Variants in PFKFB3 observed in about 807,000 individuals in gnomAD.
The protein encoded by PFKFB3 is 6-phosphofructo-2-kinase/fructose-2,6-bisphosphatase 3.
A neutral mutation model predicts 68.0 loss-of-function variants in PFKFB3; 33 were observed. The ratio of observed to expected loss-of-function variants is 0.49; its 90% CI spans 0.37 to 0.65. The LOEUF (loss-of-function observed/expected upper bound fraction) is 0.65, where lower values mean the gene tolerates loss of function less well. Ranked by LOEUF, PFKFB3 falls within the 30% of genes least tolerant of loss-of-function variation. The pLI, the probability that PFKFB3 is intolerant of heterozygous loss-of-function variation, is 0.00. For synonymous variants in PFKFB3, 315 were observed against 288.2 expected (o/e 1.09, Z -0.94); for missense variants, 586 against 712.2 (o/e 0.82, Z 2.02).
chr10:6,149,854 G>T, intron 1 of PFKFB3: 1 of 152,598 alleles, frequency 6.6e-6, no homozygotes. Flanking sequence ...CTCCAAACAA[G>T]CTCTCAAAAT....
At chr10:6,280,486 C>T in the PFKFB3 span, among the ~76,000 whole-genome samples, 3 of 152,194 alleles carry the variant, frequency 2.0e-5, no homozygotes, top group African/African-American at 7.2e-5. Context: ...ATCCTGTGTT[C>T]CTCATCCTTC....
chr10:6,220,870 G>C lies in PFKFB3; in HGVS notation c.831+5G>C, dbSNP rs370323656. ...CTGTCCAGCCGGGGCAAGAAGGTGC[G>C]GGGTGTGCTGCCGCATGGGCCGTTC... On this transcript the variant is annotated splice_donor_5th_base_variant and intron_variant, in intron 8 of 14. Transcript: ENST00000379775. The surrounding 1 kb of genome is among the most constrained non-coding windows in gnomAD (Gnocchi z 4.1). The C allele has an allele frequency of 3.1e-6, 5 of 1,609,370 alleles. No homozygotes were observed. The South Asian group carries it at 5.5e-5, about 18-fold the overall frequency.
downstream of PFKFB3, among the ~76,000 whole-genome samples, chr10:6,237,289 C>T (rs1846036287): frequency 6.6e-6 from 1 of 152,262 alleles, no homozygotes; most frequent in Non-Finnish European, 1.5e-5. Flanking sequence ...AGCAGGGCAG[C>T]TCCCTGTGCC....
the PFKFB3 span, among the ~76,000 whole-genome samples, chr10:6,276,967 T>C: frequency 6.6e-6 from 1 of 152,102 alleles, no homozygotes; most frequent in Non-Finnish European, 1.5e-5. Context: ...TCCCTCATGC[T>C]ACCCCTCTAG....
chr10:6,241,145 T>C (rs1157973367), intron 14 of PFKFB3, among the ~76,000 whole-genome samples: 1 of 152,098 alleles, frequency 6.6e-6, no homozygotes, highest in Non-Finnish European at 1.5e-5. Context: ...GACCTCGTGA[T>C]CCACCCACCT....
chr10:6,175,452 T>A (rs376178650), intron 1 of PFKFB3, among the ~76,000 whole-genome samples: 14 of 152,216 alleles, frequency 9.2e-5, no homozygotes, highest in African/African-American at 3.4e-4. Flanking sequence ...ACCACAGTGC[T>A]GTTGTCATCC....
At position 6,228,380 on chromosome 10, in the gene PFKFB3, C is replaced by G; in HGVS notation, c.1515+2015C>G. ...GGCGTAGGAGTAGGGAGGAGAGATT[C>G]CTGAATGTTTTTGGAAAAGCGTGCA... is the stretch of plus-strand genomic sequence containing the variant. On this transcript the variant is annotated intron_variant, in intron 14 of 14. Transcript: ENST00000379775. The surrounding 1 kb of genome is among the most constrained non-coding windows in gnomAD (Gnocchi z 4.5). The G allele has an allele frequency of 1.3e-6, 1 of 779,312 alleles. No individual in the cohort carries two copies. The highest frequency in any genetic ancestry group is 2.2e-6 in the Non-Finnish European group (1 of 456,100). 48.3% of individuals were successfully genotyped at this position (779,312 alleles called of 1,614,324 possible).
intron 1 of PFKFB3, among the ~76,000 whole-genome samples, chr10:6,151,441 A>C (rs1316701909): frequency 1.3e-5 from 2 of 152,228 alleles, no homozygotes; most frequent in African/African-American, 4.8e-5. Context: ...GTCCTCGGCC[A>C]GAGAAGCAAG....
chr10:6,228,844 C>T lies in PFKFB3; in HGVS notation c.1515+2479C>T, dbSNP rs1845538946. Among the ~76,000 whole-genome samples the T allele has an allele frequency of 6.6e-6, 1 of 152,128 alleles. No individual in the cohort carries two copies. The highest frequency in any genetic ancestry group is 1.5e-5 in the Non-Finnish European group (1 of 68,008). ...AGTCACGCCCGGGGCTGGGTGCAGCCTCCATCTCTAACCCATGTGGTCACT... is the reference window on the plus strand; with the variant it reads ...AGTCACGCCCGGGGCTGGGTGCAGCTTCCATCTCTAACCCATGTGGTCACT... On this transcript the variant is annotated intron_variant, in intron 14 of 14. Coordinates refer to ENST00000379775, the MANE Select transcript of PFKFB3 (RefSeq NM_004566.4). The surrounding 1 kb of genome is among the most constrained non-coding windows in gnomAD (Gnocchi z 4.5).
At chr10:6,200,662 G>A, upstream of PFKFB3, among the ~76,000 whole-genome samples, 2 of 2,290 alleles carry the variant, frequency 8.7e-4, no homozygotes, top group South Asian at 0.2. Flanking sequence ...TAAGGAGCGG[G>A]GGGGGGGGGG....
At position 6,219,452 on chromosome 10, in the gene PFKFB3, G is replaced by C. The variant is rs982124954; in HGVS notation, c.499-117G>C. ...TCCCTTTCTCTTACACGCTGGGCCG[G>C]ATAATCTTTATACTGAGCCTTCTGT... On this transcript the variant is annotated intron_variant, in intron 6 of 14. Transcript: ENST00000379775. 19 of 1,117,472 alleles carry C rather than the reference G, an allele frequency of 1.7e-5. 1 individual carries two copies. The highest frequency in any genetic ancestry group is 1.1e-4 in the South Asian group (9 of 78,774). The allele number at this position is 1,117,472 out of a possible 1,614,324, so 69.2% of individuals were successfully genotyped here. A position where few individuals can be genotyped will look rare whatever the true frequency, so the allele number is the denominator to read the frequency against.
the PFKFB3 span, among the ~76,000 whole-genome samples, chr10:6,262,011 A>T: frequency 1.0e-5 from 1 of 100,450 alleles, no homozygotes; most frequent in Admixed American, 9.9e-5. Context: ...ACAAAACAAA[A>T]CAAAAAACAA....
chr10:6,183,356 A>T (rs573567242), intron 1 of PFKFB3, among the ~76,000 whole-genome samples: 1 of 152,114 alleles, frequency 6.6e-6, no homozygotes, highest in East Asian at 1.9e-4. Context: ...CTCCAGCTCC[A>T]CTAGGATTCT....
In PFKFB3 at chr10:6,220,946, T is replaced by A; in HGVS notation, c.831+81T>A. 8.8e-7 allele frequency: 1 copy of A among 1,135,866 alleles called. No individual in the cohort carries two copies. Among genetic ancestry groups the A allele is most frequent in the South Asian group, 1.2e-5 (1 of 80,314 alleles). The allele number at this position is 1,135,866 out of a possible 1,614,324, so 70.4% of individuals were successfully genotyped here. A position where few individuals can be genotyped will look rare whatever the true frequency, so the allele number is the denominator to read the frequency against. ...ATAGGGTGGGTGGGGAGCTGTGTGC[T>A]GCTGCTGCTGCTGCTGCTGCTGCTT... On this transcript the variant is annotated intron_variant, in intron 8 of 14. Coordinates refer to ENST00000379775, the MANE Select transcript of PFKFB3 (RefSeq NM_004566.4). This position sits in a 1 kb window ranked among gnomAD's most constrained non-coding sequence, Gnocchi z 4.1.
chr10:6,201,924 C>T (rs1269497712), upstream of PFKFB3, among the ~76,000 whole-genome samples: 1 of 152,098 alleles, frequency 6.6e-6, no homozygotes, highest in Non-Finnish European at 1.5e-5. The surrounding 1 kb of genome is among the most constrained non-coding windows in gnomAD (Gnocchi z 4.1). Context: ...CTGCGAGGGC[C>T]GGGAAAGGAG....
chr10:6,299,969 T>TC, the PFKFB3 span, among the ~76,000 whole-genome samples: 1 of 25,686 alleles, frequency 3.9e-5, no homozygotes, highest in Non-Finnish European at 1.7e-4. Context: ...TTCAGAAGAC[T>TC]TTTTTTTTTT....
the PFKFB3 span, among the ~76,000 whole-genome samples, chr10:6,269,127 G>A: frequency 6.6e-6 from 1 of 150,674 alleles, no homozygotes; most frequent in South Asian, 2.1e-4. Context: ...AACAGTAGTT[G>A]TCAACATGGG....
At chr10:6,216,842 C>A in intron 5 of PFKFB3, 62 bp downstream of exon 5, 1 of 1,194,436 alleles carries the variant, frequency 8.4e-7, no homozygotes, top group Non-Finnish European at 1.2e-6. Flanking sequence ...CTTCAGGAAG[C>A]GGCCTGAGTC....
the PFKFB3 span, among the ~76,000 whole-genome samples, chr10:6,312,728 T>C: frequency 2.0e-5 from 3 of 152,214 alleles, no homozygotes; most frequent in African/African-American, 4.8e-5. Flanking sequence ...TTGTTTTCTA[T>C]ATGGAAGTAA....
Sources: allele counts gnomAD v4.1 joint callset (sites outside exome capture counted in the v4.1 genomes callset), GRCh38; gene constraint gnomAD v4.1.1; non-coding constraint Gnocchi (gnomAD v3.1); transcripts MANE v1.5; gene names NCBI Gene and HGNC (gene_info 2026-07-23, HGNC 2026-07-21).